Variants in GMDS observed in about 807,000 individuals in gnomAD.
GMDS encodes GDP-mannose 4,6 dehydratase.
In GMDS, 20 loss-of-function variants were observed where a neutral mutation model predicts 49.9. That is an observed-to-expected ratio of 0.40 (90% CI 0.28 to 0.58). The LOEUF (loss-of-function observed/expected upper bound fraction) is 0.58, where lower values mean the gene tolerates loss of function less well. Among genes scored for constraint, GMDS ranks in the 20% least tolerant of loss-of-function variants. The probability of loss-of-function intolerance (pLI) is 0.42; values close to 1 mark genes in which losing one functional copy is unlikely to be tolerated. For missense variants in GMDS, 362 were observed against 481.4 expected (o/e 0.75, Z 2.32); for synonymous variants, 177 against 178.6 (o/e 0.99, Z 0.07).
At chr6:1,861,431 T>C (rs1245385272) in intron 7 of GMDS, among the ~76,000 whole-genome samples, 2 of 152,076 alleles carry the variant, frequency 1.3e-5, no homozygotes, top group African/African-American at 4.8e-5. Flanking sequence ...GTGAGGGGTT[T>C]AATTTTACCA....
At chr6:1,752,415 G>GT (rs1767771136) in intron 7 of GMDS, among the ~76,000 whole-genome samples, 1 of 149,648 alleles carries the variant, frequency 6.7e-6, no homozygotes, top group South Asian at 2.1e-4. Context: ...TTTGATTGGT[G>GT]TACCTGAAAG....
At chr6:1,726,013 GTACACA>G (rs1426796213) in intron 9 of GMDS, among the ~76,000 whole-genome samples, 3 of 152,198 alleles carry the variant, frequency 2.0e-5, no homozygotes, top group African/African-American at 7.2e-5. Context: ...TTGTGTATGA[GTACACA>G]GACACAGACA....
At chr6:1,896,040 GA>G in intron 7 of GMDS, among the ~76,000 whole-genome samples, 1 of 152,214 alleles carries the variant, frequency 6.6e-6, no homozygotes, top group East Asian at 1.9e-4. Context: ...GGAAAAAGAG[GA>G]ATTTCCTAAG....
At chr6:1,851,489 G>A (rs938843324) in intron 7 of GMDS, among the ~76,000 whole-genome samples, 2 of 152,158 alleles carry the variant, frequency 1.3e-5, no homozygotes, top group Admixed American at 6.5e-5. Context: ...GACCTTCGGG[G>A]CAGGGATTTG....
At position 2,105,919 on chromosome 6, in the gene GMDS, G is replaced by A. The variant is rs74546308; in HGVS notation, c.345+9852C>T. On this transcript the variant is annotated intron_variant, in intron 4 of 10. Transcript: ENST00000380815. ...CACTTTAATTATCAACACTAGAACC[G>A]TACACAAGTTGAGCTAACCTTTCAG... 4.2e-3 allele frequency among the ~76,000 whole-genome samples: 635 copies of A among 152,186 alleles called. 2 individuals are homozygous for A. The highest frequency in any genetic ancestry group is 0.012 in the African/African-American group (511 of 41,502).
At chr6:2,100,687 A>G (rs149870887) in intron 4 of GMDS, among the ~76,000 whole-genome samples, 49 of 152,184 alleles carry the variant, frequency 3.2e-4, no homozygotes, top group African/African-American at 1.2e-3. Flanking sequence ...AAGATAGTAT[A>G]CATAGCATCA....
chr6:1,729,406 C>G (rs1011857835), intron 8 of GMDS, among the ~76,000 whole-genome samples: 1 of 152,204 alleles, frequency 6.6e-6, no homozygotes, highest in African/African-American at 2.4e-5. Context: ...TCAAAACAGT[C>G]TCTAAGGGCA....
chr6:1,961,317 G>A lies in GMDS; in HGVS notation c.346-351C>T, dbSNP rs12664839. On this transcript the variant is annotated intron_variant, in intron 4 of 10. Transcript: ENST00000380815. ...AATTCAGTCTGAACCAATCTCTTTGGGGGGTAGGGACCTAGGAAATTTACA... is the reference window on the plus strand; with the variant it reads ...AATTCAGTCTGAACCAATCTCTTTGAGGGGTAGGGACCTAGGAAATTTACA... Among the ~76,000 whole-genome samples, 235 of 152,180 alleles carry A rather than the reference G, an allele frequency of 1.5e-3. 7 individuals carry two copies. The East Asian group carries it at 0.043, about 28-fold the overall frequency.
chr6:2,169,905 T>C (rs1316278099), intron 1 of GMDS, among the ~76,000 whole-genome samples: 1 of 151,754 alleles, frequency 6.6e-6, no homozygotes, highest in Non-Finnish European at 1.5e-5. Context: ...TCTGGTGGTA[T>C]ATTAGAAAAG....
Position 2,052,286 on chromosome 6 carries a change from T to C in GMDS, c.345+63485A>G, listed in dbSNP as rs116785720. ...TAGAATTGTTATCTCTTCCTAAGAA[T>C]TGAACCTTTATATTACAAAGTATCT... is the stretch of plus-strand genomic sequence containing the variant. On this transcript the variant is annotated intron_variant, in intron 4 of 10. Coordinates refer to ENST00000380815, the MANE Select transcript of GMDS (RefSeq NM_001500.4). Among the ~76,000 whole-genome samples the C allele has an allele frequency of 6.7e-3, 1,024 of 152,254 alleles. 10 individuals are homozygous for C. Among genetic ancestry groups the C allele is most frequent in the African/African-American group, 0.023 (946 of 41,554 alleles).
chr6:2,059,297 G>A (rs1043345964), intron 4 of GMDS, among the ~76,000 whole-genome samples: 2 of 150,960 alleles, frequency 1.3e-5, no homozygotes, highest in African/African-American at 4.9e-5. Flanking sequence ...TTAATTTGAG[G>A]CATATTAAAA....
At chr6:1,701,248 C>A (rs1024563393) in intron 9 of GMDS, among the ~76,000 whole-genome samples, 22 of 152,158 alleles carry the variant, frequency 1.4e-4, no homozygotes, top group Admixed American at 7.2e-4. Flanking sequence ...CCAGCTGACC[C>A]CAATTCCACA....
intron 4 of GMDS, among the ~76,000 whole-genome samples, chr6:2,046,528 T>G (rs1188366163): frequency 6.6e-6 from 1 of 152,120 alleles, no homozygotes; most frequent in African/African-American, 2.4e-5. Flanking sequence ...TATGCGATCT[T>G]TGCTCACTGC....
chr6:2,113,560 C>A (rs757788748), intron 4 of GMDS, among the ~76,000 whole-genome samples: 4 of 151,900 alleles, frequency 2.6e-5, no homozygotes, highest in Non-Finnish European at 5.9e-5. Context: ...TATTATTACC[C>A]CCGTTTCAAC....
At chr6:2,031,474 A>C (rs1581543743) in intron 4 of GMDS, among the ~76,000 whole-genome samples, 1 of 152,114 alleles carries the variant, frequency 6.6e-6, no homozygotes, top group East Asian at 1.9e-4. Flanking sequence ...TGTATAGACC[A>C]GTGTAAGTGC....
intron 4 of GMDS, among the ~76,000 whole-genome samples, chr6:2,057,802 T>C (rs549174034): frequency 6.6e-6 from 1 of 152,300 alleles, no homozygotes; most frequent in South Asian, 2.1e-4. Context: ...GTAATAGAAA[T>C]ATTCTGTATC....
At chr6:1,783,302 T>C (rs181913638) in intron 7 of GMDS, among the ~76,000 whole-genome samples, 46 of 152,368 alleles carry the variant, frequency 3.0e-4, no homozygotes, top group Non-Finnish European at 5.0e-4. Context: ...TATCCCTTCC[T>C]TTGGGAGATC....
intron 7 of GMDS, among the ~76,000 whole-genome samples, chr6:1,754,985 C>A (rs1397169922): frequency 6.6e-6 from 1 of 152,200 alleles, no homozygotes; most frequent in Admixed American, 6.5e-5. Context: ...GACAAGGATG[C>A]CCTCTCTCAC....
chr6:1,859,818 A>G lies in GMDS; in HGVS notation c.771+70285T>C, dbSNP rs542117344. On this transcript the variant is annotated intron_variant, in intron 7 of 10. Transcript: ENST00000380815. ...TACAATAGTCACATTTGATCTCTGA[A>G]TCAGAACCCTTGATTGTATCTGAAG... 7.2e-5 allele frequency among the ~76,000 whole-genome samples: 11 copies of G among 152,356 alleles called. No individual in the cohort carries two copies. The South Asian group carries it at 2.3e-3, about 32-fold the overall frequency.
Sources: allele counts gnomAD v4.1 joint callset (sites outside exome capture counted in the v4.1 genomes callset), GRCh38; gene constraint gnomAD v4.1.1; transcripts MANE v1.5; gene names NCBI Gene and HGNC (gene_info 2026-07-23, HGNC 2026-07-21).